THSD7A: variants seen among roughly 807,000 people sequenced by gnomAD.
THSD7A encodes thrombospondin type 1 domain containing 7A, also known as thrombospondin type-1 domain-containing protein 7A.
Under a neutral mutation model 231.3 loss-of-function variants are expected in THSD7A, and 96 were observed. The ratio of observed to expected loss-of-function variants is 0.41; its 90% CI spans 0.35 to 0.49. The LOEUF is 0.49. THSD7A is among the 20% of genes least tolerant of loss of function. The pLI, the probability that THSD7A is intolerant of heterozygous loss-of-function variation, is 0.05. For synonymous variants in THSD7A, 940 were observed against 743.3 expected, an observed-to-expected ratio of 1.26 and a Z score of -4.30; for missense variants, 2,290 against 2,070.2, an observed-to-expected ratio of 1.11 and a Z score of -2.06.
Position 11,577,040 on chromosome 7 carries a change from T to A in THSD7A, c.1453+13420A>T, listed in dbSNP as rs569583733. Among the ~76,000 whole-genome samples, 4 of 152,302 alleles carry A rather than the reference T, an allele frequency of 2.6e-5. No individual in the cohort carries two copies. In the East Asian group the frequency reaches 7.7e-4, roughly 29 times the overall value. On this transcript the variant is annotated intron_variant, in intron 4 of 27. Coordinates refer to ENST00000423059, the MANE Select transcript of THSD7A (RefSeq NM_015204.3). ...TTTTGCCACTGACTGTTTCAGTATGTCTGAGAAAATTATTCTCTAATTATC... is the reference window on the plus strand; with the variant it reads ...TTTTGCCACTGACTGTTTCAGTATGACTGAGAAAATTATTCTCTAATTATC...
chr7:11,721,277 G>A (rs566450853), intron 1 of THSD7A, among the ~76,000 whole-genome samples: 7 of 151,894 alleles, frequency 4.6e-5, no homozygotes, highest in African/African-American at 1.7e-4. Flanking sequence ...AATCCCCAAT[G>A]TTGGAGGAGG....
In THSD7A at chr7:11,587,544, A is replaced by G. The variant is rs191718402; in HGVS notation, c.1453+2916T>C. 2.0e-3 allele frequency among the ~76,000 whole-genome samples: 303 copies of G among 152,270 alleles called. 1 individual carries two copies. Among genetic ancestry groups the G allele is most frequent in the Non-Finnish European group, 3.3e-3 (223 of 68,020 alleles). Reference sequence around the variant, plus strand: ...TTACAGGTGCTATCTCCAACTTAGGATATGTTCTGATGATATAATTCTACT... The same window carrying G: ...TTACAGGTGCTATCTCCAACTTAGGGTATGTTCTGATGATATAATTCTACT... On this transcript the variant is annotated intron_variant, in intron 4 of 27. Coordinates refer to ENST00000423059, the MANE Select transcript of THSD7A (RefSeq NM_015204.3).
chr7:11,735,415 C>T (rs73057039), intron 1 of THSD7A, among the ~76,000 whole-genome samples: 27,351 of 151,770 alleles, frequency 0.18, 3,045 homozygotes, highest in African/African-American at 0.3. Context: ...CATACATAAG[C>T]ACTTAAACAA....
chr7:11,505,883 T>G (rs1015062511), intron 6 of THSD7A, among the ~76,000 whole-genome samples: 3 of 152,196 alleles, frequency 2.0e-5, no homozygotes, highest in Admixed American at 1.3e-4. Context: ...CTTCTTCTCG[T>G]AGTGACTTGA....
At chr7:11,378,817 G>T in intron 26 of THSD7A, 3 of 415,848 alleles carry the variant, frequency 7.2e-6, no homozygotes, top group South Asian at 8.5e-5. Context: ...TTTTGGACTG[G>T]AATTGAATTG....
intron 16 of THSD7A, 125 bp from the exon 17 acceptor site, chr7:11,417,728 G>A: frequency 1.1e-6 from 1 of 935,396 alleles, no homozygotes; most frequent in Non-Finnish European, 1.5e-6. Flanking sequence ...TATGGGGGTG[G>A]GGAGTAGGAA....
At chr7:11,595,416 G>A (rs545991438) in intron 2 of THSD7A, among the ~76,000 whole-genome samples, 1 of 152,288 alleles carries the variant, frequency 6.6e-6, no homozygotes, top group South Asian at 2.1e-4. Flanking sequence ...GGCCCACTAA[G>A]TAGGGATTCT....
intron 9 of THSD7A, among the ~76,000 whole-genome samples, chr7:11,467,629 A>G (rs1230231601): frequency 6.6e-6 from 1 of 152,080 alleles, no homozygotes; most frequent in Non-Finnish European, 1.5e-5. Flanking sequence ...AGTGTTTTAG[A>G]TTTTTTATTT....
intron 4 of THSD7A, among the ~76,000 whole-genome samples, chr7:11,544,925 TA>T (rs2128323893): frequency 6.6e-6 from 1 of 152,136 alleles, no homozygotes; most frequent in South Asian, 2.1e-4. Flanking sequence ...GATTGCTGTT[TA>T]TGTGCATCAC....
At position 11,586,785 on chromosome 7, in the gene THSD7A, G is replaced by A. The variant is rs146415343; in HGVS notation, c.1453+3675C>T. ...ATGCGAGTTTTTTACTTACCTTTCCGTCTATCCATTCACAGTTCAATCATC... is the reference window on the plus strand; with the variant it reads ...ATGCGAGTTTTTTACTTACCTTTCCATCTATCCATTCACAGTTCAATCATC... On this transcript the variant is annotated intron_variant, in intron 4 of 27. Transcript: ENST00000423059. 2.4e-3 allele frequency among the ~76,000 whole-genome samples: 371 copies of A among 151,882 alleles called. 1 individual carries two copies. Among genetic ancestry groups the A allele is most frequent in the African/African-American group, 7.9e-3 (329 of 41,398 alleles).
At chr7:11,715,616 T>A (rs1781111134) in intron 1 of THSD7A, among the ~76,000 whole-genome samples, 1 of 151,500 alleles carries the variant, frequency 6.6e-6, no homozygotes, top group African/African-American at 2.4e-5. Context: ...TAGATTCTTG[T>A]TTAAAATGGA....
intron 6 of THSD7A, among the ~76,000 whole-genome samples, chr7:11,503,593 A>G (rs1270166485): frequency 6.6e-6 from 1 of 152,210 alleles, no homozygotes; most frequent in Non-Finnish European, 1.5e-5. Flanking sequence ...ATCTATAACG[A>G]ACTTAAACAA....
intron 1 of THSD7A, among the ~76,000 whole-genome samples, chr7:11,730,777 C>T (rs550434251): frequency 3.3e-5 from 5 of 151,416 alleles, no homozygotes; most frequent in Non-Finnish European, 7.4e-5. Context: ...GTTGAATATC[C>T]CCTTTATATT....
chr7:11,685,839 C>T (rs1443577473), intron 1 of THSD7A, among the ~76,000 whole-genome samples: 3 of 151,994 alleles, frequency 2.0e-5, no homozygotes, highest in South Asian at 2.1e-4. Context: ...AATAGAATTA[C>T]CATTTGACCC....
intron 1 of THSD7A, among the ~76,000 whole-genome samples, chr7:11,712,668 T>G (rs1340778880): frequency 6.6e-6 from 1 of 151,130 alleles, no homozygotes; most frequent in African/African-American, 2.4e-5. Flanking sequence ...ATTTGTTGCC[T>G]CAACCTTAGA....
chr7:11,755,770 T>C (rs956484990), intron 1 of THSD7A, among the ~76,000 whole-genome samples: 5 of 152,062 alleles, frequency 3.3e-5, no homozygotes, highest in Non-Finnish European at 5.9e-5. Context: ...AGTATGAAGT[T>C]AGACATAACT....
chr7:11,708,401 A>G lies in THSD7A; in HGVS notation c.191-71440T>C, dbSNP rs1584242844. Among the ~76,000 whole-genome samples, 3 of 150,878 alleles carry G rather than the reference A, an allele frequency of 2.0e-5. No individual in the cohort carries two copies. In the East Asian group the frequency reaches 5.9e-4, roughly 30 times the overall value. On this transcript the variant is annotated intron_variant, in intron 1 of 27. Transcript: ENST00000423059. ...AAATAACCATCAATGAGTAGAAAGCATAATTATTTATTGCTTGCTTTTTAA... is the reference window on the plus strand; with the variant it reads ...AAATAACCATCAATGAGTAGAAAGCGTAATTATTTATTGCTTGCTTTTTAA...
In THSD7A at chr7:11,543,082, G is replaced by A. The variant is rs775913875; in HGVS notation, c.1489C>T (p.Pro497Ser). The change falls in exon 5 of 28, where the codon CCT becomes TCT. Residue 497 changes from proline to serine, a missense_variant. Coordinates refer to ENST00000423059, the MANE Select transcript of THSD7A (RefSeq NM_015204.3). ...KPMDLKLCTG[P>S]IPNTTQLCHI... ...CACAGCTGTGTAGTATTAGGGATAGGTCCAGTGCATAATTTTAAGTCCATT... is the reference window on the plus strand; with the variant it reads ...CACAGCTGTGTAGTATTAGGGATAGATCCAGTGCATAATTTTAAGTCCATT... The A allele has an allele frequency of 4.2e-5, 68 of 1,612,982 alleles. No individual in the cohort carries two copies. Among genetic ancestry groups the A allele is most frequent in the Non-Finnish European group, 5.4e-5 (64 of 1,179,606 alleles).
intron 7 of THSD7A, among the ~76,000 whole-genome samples, chr7:11,480,655 C>G (rs1786385716): frequency 6.6e-6 from 1 of 151,984 alleles, no homozygotes. Flanking sequence ...TAAAATTTCA[C>G]ACAGGTTGGC....
Sources: gnomAD v4.1 joint callset for allele counts (sites outside exome capture counted in the v4.1 genomes callset) on GRCh38, gnomAD v4.1.1 for gene constraint, MANE v1.5 for transcripts, NCBI Gene and HGNC (gene_info 2026-07-23, HGNC 2026-07-21) for gene names.